Variants in EPHA6 observed in about 807,000 individuals in gnomAD.
EPHA6 encodes the protein EPH receptor A6.
Under a neutral mutation model 112.0 loss-of-function variants are expected in EPHA6, and 50 were observed. The observed-to-expected ratio is 0.45, with a 90% CI of 0.36 to 0.56. The LOEUF (loss-of-function observed/expected upper bound fraction) is 0.56, where lower values mean the gene tolerates loss of function less well. Among genes scored for constraint, EPHA6 ranks in the 20% least tolerant of loss-of-function variants. The pLI is 0.00. For synonymous variants in EPHA6, 529 were observed against 490.7 expected (o/e 1.08, Z -1.03); for missense variants, 1,280 against 1,417.4 (o/e 0.90, Z 1.56).
intron 2 of EPHA6, among the ~76,000 whole-genome samples, chr3:96,920,607 A>C (rs972030340): frequency 6.6e-6 from 1 of 151,844 alleles, no homozygotes; most frequent in Admixed American, 6.6e-5. Context: ...TTCTTTCATC[A>C]CTTAATTACC....
chr3:97,124,602 A>T (rs2048134506), intron 3 of EPHA6, among the ~76,000 whole-genome samples: 1 of 152,122 alleles, frequency 6.6e-6, no homozygotes, highest in Non-Finnish European at 1.5e-5. Flanking sequence ...AGGTTAGTAA[A>T]TACCTTGTCA....
chr3:97,562,301 T>G (rs921397058), intron 11 of EPHA6, among the ~76,000 whole-genome samples: 6 of 152,206 alleles, frequency 3.9e-5, no homozygotes, highest in African/African-American at 1.4e-4. Flanking sequence ...TCACTATTTT[T>G]AGATGCCATT....
intron 10 of EPHA6, among the ~76,000 whole-genome samples, chr3:97,512,662 C>G (rs1345432776): frequency 1.3e-5 from 2 of 152,104 alleles, no homozygotes; most frequent in African/African-American, 4.8e-5. Context: ...CCTCCGGGTT[C>G]AAGCGAGTCT....
intron 3 of EPHA6, among the ~76,000 whole-genome samples, chr3:97,163,166 A>G (rs1358725153): frequency 6.6e-6 from 1 of 152,156 alleles, no homozygotes; most frequent in Non-Finnish European, 1.5e-5. Flanking sequence ...TGTGGGTTCT[A>G]CTGAAATGAC....
intron 3 of EPHA6, among the ~76,000 whole-genome samples, chr3:97,213,403 C>T (rs2077933993): frequency 6.6e-6 from 1 of 152,188 alleles, no homozygotes; most frequent in Non-Finnish European, 1.5e-5. Context: ...TTTCTGGCCA[C>T]CACCACCACC....
chr3:97,034,121 A>G (rs2044988254), intron 3 of EPHA6, among the ~76,000 whole-genome samples: 1 of 151,992 alleles, frequency 6.6e-6, no homozygotes, highest in Admixed American at 6.6e-5. Flanking sequence ...GAACATGGGA[A>G]CTTTAGGGAA....
At chr3:97,381,318 C>T (rs2085715622) in intron 5 of EPHA6, among the ~76,000 whole-genome samples, 2 of 152,118 alleles carry the variant, frequency 1.3e-5, no homozygotes, top group East Asian at 3.9e-4. Context: ...ATATTCCAAG[C>T]ACTGAGCTAG....
chr3:97,579,791 T>G (rs964838407), intron 11 of EPHA6, among the ~76,000 whole-genome samples: 2 of 152,168 alleles, frequency 1.3e-5, no homozygotes, highest in Non-Finnish European at 2.9e-5. Context: ...TGTCATATAT[T>G]GCTTCTCGGC....
intron 3 of EPHA6, among the ~76,000 whole-genome samples, chr3:97,180,992 A>C (rs564422678): frequency 6.6e-6 from 1 of 151,980 alleles, no homozygotes; most frequent in East Asian, 2.0e-4. Context: ...GTTTACTTGG[A>C]GACACAGAGT....
intron 2 of EPHA6, among the ~76,000 whole-genome samples, chr3:96,905,950 C>T (rs1559818927): frequency 1.3e-5 from 2 of 151,948 alleles, no homozygotes; most frequent in African/African-American, 4.8e-5. Flanking sequence ...TGCATGTGCT[C>T]ATGTGTACTC....
At chr3:96,827,949 G>GGGTT (rs2033775159) in intron 1 of EPHA6, among the ~76,000 whole-genome samples, 6 of 152,020 alleles carry the variant, frequency 3.9e-5, no homozygotes, top group Admixed American at 3.9e-4. Context: ...CTTTAGAGTG[G>GGGTT]CTAAGAAGAC....
intron 2 of EPHA6, among the ~76,000 whole-genome samples, chr3:96,968,952 C>T (rs1357622794): frequency 6.6e-6 from 1 of 151,766 alleles, no homozygotes; most frequent in African/African-American, 2.4e-5. Context: ...TACATAAATG[C>T]ATATGGTTCT....
chr3:97,654,329 G>A (rs2094124952), intron 14 of EPHA6, among the ~76,000 whole-genome samples: 1 of 151,882 alleles, frequency 6.6e-6, no homozygotes, highest in South Asian at 2.1e-4. Flanking sequence ...TATTGGATAA[G>A]TAATTACAAT....
intron 3 of EPHA6, among the ~76,000 whole-genome samples, chr3:97,114,824 T>C (rs997083123): frequency 6.6e-6 from 1 of 152,102 alleles, no homozygotes; most frequent in Non-Finnish European, 1.5e-5. Context: ...CTCACAAGTG[T>C]AATCAATGAT....
At chr3:97,084,067 A>AGTGTGTGTGTGTGTGTGTGT (rs145113129) in intron 3 of EPHA6, among the ~76,000 whole-genome samples, 6 of 109,698 alleles carry the variant, frequency 5.5e-5, no homozygotes, top group Admixed American at 1.8e-4. Context: ...TATTTCTTAA[A>AGTGTGTGTGTGTGTGTGTGT]GTGTGTGTGT....
At chr3:97,199,904 T>C (rs2077537497) in intron 3 of EPHA6, among the ~76,000 whole-genome samples, 1 of 151,982 alleles carries the variant, frequency 6.6e-6, no homozygotes, top group East Asian at 1.9e-4. Flanking sequence ...TTTAATAGAG[T>C]TTCATTAATA....
At chr3:97,611,534 A>G (rs2093720381) in intron 13 of EPHA6, among the ~76,000 whole-genome samples, 1 of 151,940 alleles carries the variant, frequency 6.6e-6, no homozygotes, top group African/African-American at 2.4e-5. Flanking sequence ...AAGATTTGAA[A>G]AAGCATCATG....
At chr3:97,000,936 G>A (rs959169368) in intron 3 of EPHA6, among the ~76,000 whole-genome samples, 5 of 149,132 alleles carry the variant, frequency 3.4e-5, no homozygotes, top group African/African-American at 1.2e-4. Flanking sequence ...GTGGTTCTCT[G>A]AGGATATTTT....
At chr3:97,575,273 C>T (rs1268760515) in intron 11 of EPHA6, among the ~76,000 whole-genome samples, 2 of 151,838 alleles carry the variant, frequency 1.3e-5, no homozygotes, top group East Asian at 3.9e-4. Flanking sequence ...TATGCAATAA[C>T]CTAATACTCA....
Sources: gnomAD v4.1 joint callset for allele counts (sites outside exome capture counted in the v4.1 genomes callset) on GRCh38, gnomAD v4.1.1 for gene constraint, MANE v1.5 for transcripts, NCBI Gene and HGNC (gene_info 2026-07-23, HGNC 2026-07-21) for gene names.